The following NRG3 variants were observed in gnomAD, a reference collection of about 807,000 sequenced individuals.
NRG3 encodes the protein pro-neuregulin-3, membrane-bound isoform.
Under a neutral mutation model 66.9 loss-of-function variants are expected in NRG3, and 31 were observed. The ratio of observed to expected loss-of-function variants is 0.46; its 90% CI spans 0.35 to 0.63. The LOEUF (loss-of-function observed/expected upper bound fraction) is 0.63. NRG3 is among the 20% of genes least tolerant of loss of function. The pLI, the probability that NRG3 is intolerant of heterozygous loss-of-function variation, is 0.00. For synonymous variants in NRG3, 393 were observed against 359.4 expected, an observed-to-expected ratio of 1.09 and a Z score of -1.06; for missense variants, 910 against 878.9, an observed-to-expected ratio of 1.04 and a Z score of -0.45.
At chr10:82,136,945 A>G (rs551673344) in intron 1 of NRG3, among the ~76,000 whole-genome samples, 34 of 152,318 alleles carry the variant, frequency 2.2e-4, no homozygotes, top group African/African-American at 8.2e-4. Flanking sequence ...AGAGAGGGGT[A>G]ACGTAGGCTT....
rs1849989839 is a variant in NRG3 at position 81,957,843 on chromosome 10, G to A, written c.823+81680G>A. Among the ~76,000 whole-genome samples the A allele has an allele frequency of 2.0e-5, 3 of 152,192 alleles. No homozygotes were observed. In the South Asian group the frequency reaches 6.2e-4, roughly 31 times the overall value. On this transcript the variant is annotated intron_variant, in intron 1 of 8. Transcript: ENST00000372141. ...ATAGTCTGATGATTAAGTAAAATTT[G>A]TATGTAAACTGCTAAGACCTATAGC...
chr10:82,377,462 G>GCGC (rs1564854344), intron 2 of NRG3, among the ~76,000 whole-genome samples: 7 of 151,998 alleles, frequency 4.6e-5, no homozygotes, highest in Admixed American at 1.3e-4. Context: ...GTGTGTGCGC[G>GCGC]AGCGCACATG....
intron 1 of NRG3, among the ~76,000 whole-genome samples, chr10:82,307,092 G>A (rs1044797258): frequency 1.3e-5 from 2 of 151,472 alleles, no homozygotes; most frequent in Non-Finnish European, 2.9e-5. Flanking sequence ...TATGTTTTGG[G>A]TGCTATTGTC....
chr10:82,842,301 A>T (rs1435166242), intron 3 of NRG3, among the ~76,000 whole-genome samples: 1 of 152,196 alleles, frequency 6.6e-6, no homozygotes, highest in Non-Finnish European at 1.5e-5. Context: ...TTTGACTTGT[A>T]TACATGCCAG....
chr10:82,804,171 G>A (rs1327053549), intron 3 of NRG3, among the ~76,000 whole-genome samples: 4 of 152,064 alleles, frequency 2.6e-5, no homozygotes, highest in Non-Finnish European at 5.9e-5. Flanking sequence ...ATTTGCACCC[G>A]CCAAAGAGAA....
intron 4 of NRG3, among the ~76,000 whole-genome samples, chr10:82,933,770 A>T (rs887161432): frequency 2.6e-5 from 4 of 152,116 alleles, no homozygotes; most frequent in African/African-American, 9.7e-5. Flanking sequence ...TGGAAAGGAG[A>T]TATATTTTCA....
rs181332481 is a variant in NRG3 at position 81,922,519 on chromosome 10, C to T, written c.823+46356C>T. Reference sequence around the variant, plus strand: ...TGTGAACATGCAGTATTTGACTTTTCGTTTCTGAGTTATTTCACTTAAGAG... The same window carrying T: ...TGTGAACATGCAGTATTTGACTTTTTGTTTCTGAGTTATTTCACTTAAGAG... On this transcript the variant is annotated intron_variant, in intron 1 of 8. Transcript: ENST00000372141. Among the ~76,000 whole-genome samples the T allele has an allele frequency of 1.2e-3, 182 of 152,218 alleles. 1 individual carries two copies. The highest frequency in any genetic ancestry group is 0.01 in the Middle Eastern group (3 of 294).
In NRG3 at chr10:82,276,487, G is replaced by A. The variant is rs143215811; in HGVS notation, c.824-82252G>A. ...TATAAATCCCTTTCTCCAGGAAGAT[G>A]TAAAGGAACTCAACAGACCAGGTTA... is the stretch of plus-strand genomic sequence containing the variant. On this transcript the variant is annotated intron_variant, in intron 1 of 8. Coordinates refer to ENST00000372141, the MANE Select transcript of NRG3 (RefSeq NM_001010848.4). Among the ~76,000 whole-genome samples the A allele has an allele frequency of 6.3e-3, 964 of 152,164 alleles. 8 individuals are homozygous for A. Among genetic ancestry groups the A allele is most frequent in the African/African-American group, 0.022 (929 of 41,574 alleles).
intron 2 of NRG3, among the ~76,000 whole-genome samples, chr10:82,597,562 A>G (rs1012024384): frequency 3.9e-5 from 6 of 152,158 alleles, no homozygotes; most frequent in African/African-American, 1.2e-4. Context: ...TTTGTCACCA[A>G]TTTCATGTAA....
At chr10:82,761,551 C>G (rs992892049) in intron 3 of NRG3, among the ~76,000 whole-genome samples, 2 of 151,896 alleles carry the variant, frequency 1.3e-5, no homozygotes, top group African/African-American at 4.8e-5. Flanking sequence ...TGATAAAGTG[C>G]TCAGCATAAA....
chr10:81,986,479 G>A (rs1477916422), intron 1 of NRG3, among the ~76,000 whole-genome samples: 2 of 152,020 alleles, frequency 1.3e-5, no homozygotes, highest in South Asian at 2.1e-4. Context: ...TGAAACCTAA[G>A]ACACTCAAAA....
intron 2 of NRG3, among the ~76,000 whole-genome samples, chr10:82,608,949 C>A (rs1266793405): frequency 6.6e-6 from 1 of 152,138 alleles, no homozygotes; most frequent in Non-Finnish European, 1.5e-5. Context: ...CCATACTGAG[C>A]CTTGAATAAT....
At chr10:81,884,313 T>C (rs149471748) in intron 1 of NRG3, among the ~76,000 whole-genome samples, 1,579 of 152,328 alleles carry the variant, frequency 0.01, 27 homozygotes, top group African/African-American at 0.036. Context: ...TTCTTTGCTC[T>C]GATATGGAGG....
At chr10:82,147,413 C>T (rs2070337548) in intron 1 of NRG3, among the ~76,000 whole-genome samples, 1 of 152,124 alleles carries the variant, frequency 6.6e-6, no homozygotes, top group Admixed American at 6.5e-5. Context: ...TGTCTATTTA[C>T]CTGGTTGTCC....
intron 3 of NRG3, among the ~76,000 whole-genome samples, chr10:82,830,566 G>T (rs937974658): frequency 1.3e-5 from 2 of 151,300 alleles, no homozygotes; most frequent in African/African-American, 4.9e-5. Flanking sequence ...ATGTTCAATG[G>T]ATAGTCTTTT....
chr10:82,173,658 G>T (rs1272919182), intron 1 of NRG3, among the ~76,000 whole-genome samples: 2 of 129,288 alleles, frequency 1.5e-5, no homozygotes, highest in African/African-American at 2.9e-5. Flanking sequence ...AACACACAGA[G>T]ATGTATGCAT....
chr10:82,380,055 C>G (rs2085510104), intron 2 of NRG3, among the ~76,000 whole-genome samples: 1 of 151,864 alleles, frequency 6.6e-6, no homozygotes, highest in Admixed American at 6.6e-5. Flanking sequence ...TTCCTCAATC[C>G]TCCTCACCAA....
At chr10:82,634,860 G>GGTAGAA (rs2050081010) in intron 2 of NRG3, among the ~76,000 whole-genome samples, 1 of 152,100 alleles carries the variant, frequency 6.6e-6, no homozygotes, top group Admixed American at 6.6e-5. Flanking sequence ...AAATTGTAGG[G>GGTAGAA]GTAGAAGACA....
intron 2 of NRG3, among the ~76,000 whole-genome samples, chr10:82,409,452 C>T (rs1036739301): frequency 3.3e-5 from 5 of 151,400 alleles, no homozygotes; most frequent in African/African-American, 9.8e-5. Context: ...AACCCATGCC[C>T]GGATAAACAA....
Sources: gnomAD v4.1 joint callset for allele counts (sites outside exome capture counted in the v4.1 genomes callset) on GRCh38, gnomAD v4.1.1 for gene constraint, MANE v1.5 for transcripts, NCBI Gene and HGNC (gene_info 2026-07-23, HGNC 2026-07-21) for gene names.